The following KLF15 variants were observed in gnomAD, a reference collection of about 807,000 sequenced individuals.
The protein encoded by KLF15 is Krueppel-like factor 15.
A neutral mutation model predicts 24.6 loss-of-function variants in KLF15; 4 were observed. The ratio of observed to expected loss-of-function variants is 0.16; its 90% CI spans 0.08 to 0.37. The LOEUF (loss-of-function observed/expected upper bound fraction) is 0.37. KLF15 is among the 10% of genes least tolerant of loss of function. The probability of loss-of-function intolerance (pLI) is 1.00; values close to 1 mark genes in which losing one functional copy is unlikely to be tolerated. For missense variants in KLF15, 496 were observed against 560.6 expected, an observed-to-expected ratio of 0.88 and a Z score of 1.16; for synonymous variants, 246 against 236.3, an observed-to-expected ratio of 1.04 and a Z score of -0.37.
the KLF15 span, among the ~76,000 whole-genome samples, chr3:126,303,888 C>G: frequency 4.6e-5 from 7 of 152,070 alleles, no homozygotes; most frequent in South Asian, 1.2e-3. Flanking sequence ...ATCTCTTTTT[C>G]TGCAACGTGT....
At chr3:126,342,476 T>C (rs537119642), downstream of KLF15, among the ~76,000 whole-genome samples, 17 of 152,216 alleles carry the variant, frequency 1.1e-4, no homozygotes, top group African/African-American at 4.1e-4. Context: ...ATGGGAACCC[T>C]ACCCTGCTGG....
At chr3:126,291,691 C>T in the KLF15 span, among the ~76,000 whole-genome samples, 1 of 152,260 alleles carries the variant, frequency 6.6e-6, no homozygotes, top group Non-Finnish European at 1.5e-5. Flanking sequence ...TGTCCCTGGG[C>T]CGGTTGCATC....
rs559600749 is a variant in KLF15, at chr3:126,343,466, G to A, written c.*261C>T. 6.8e-6 allele frequency: 3 copies of A among 440,396 alleles called. No homozygotes were observed. The highest frequency in any genetic ancestry group is 6.3e-5 in the African/African-American group (3 of 47,612). 27.3% of individuals were successfully genotyped at this position (440,396 alleles called of 1,614,324 possible). ...GCAGAGGCCTGGCCACCGCGGGAAG[G>A]CACGAAGGCACGAAGGCACGAAGGC... is the stretch of plus-strand genomic sequence containing the variant. On this transcript the variant is annotated 3_prime_UTR_variant, in exon 3 of 3. Coordinates refer to ENST00000296233, the MANE Select transcript of KLF15 (RefSeq NM_014079.4).
chr3:126,302,873 A>G, the KLF15 span, among the ~76,000 whole-genome samples: 2 of 151,974 alleles, frequency 1.3e-5, no homozygotes, highest in Admixed American at 1.3e-4. Flanking sequence ...TTTTATCTGG[A>G]GTGTCATGAC....
chr3:126,301,610 C>CT, the KLF15 span, among the ~76,000 whole-genome samples: 17,484 of 132,182 alleles, frequency 0.13, 1,369 homozygotes, highest in Admixed American at 0.18. Context: ...TTTTCTTTTT[C>CT]TTTTTTTTTT....
chr3:126,307,447 T>C, the KLF15 span, among the ~76,000 whole-genome samples: 1 of 152,164 alleles, frequency 6.6e-6, no homozygotes, highest in Admixed American at 6.5e-5. Context: ...CTTGTGTCCA[T>C]GAACAAAGGA....
chr3:126,295,189 C>T, the KLF15 span, among the ~76,000 whole-genome samples: 84 of 152,244 alleles, frequency 5.5e-4, no homozygotes, highest in Admixed American at 1.5e-3. Context: ...AATATATATT[C>T]CAATAACAGC....
chr3:126,313,226 G>A, the KLF15 span, among the ~76,000 whole-genome samples: 2 of 152,292 alleles, frequency 1.3e-5, no homozygotes, highest in East Asian at 1.9e-4. Context: ...GCGAAAAGGC[G>A]GCCAGCTGCA....
At position 126,352,230 on chromosome 3, in the gene KLF15, T is replaced by C; in HGVS notation, c.693A>G (p.Glu231=). Residue 231 remains glutamate (E), a synonymous_variant, in exon 2 of 3, where the codon GAA becomes GAG. Transcript: ENST00000296233. The part of the protein sequence containing the change: ...LQIQPVPVKQ[E]SGTGPASPGQ... Reference sequence around the variant, plus strand: ...CAGGGGAGGCAGGCCCTGTGCCCGATTCCTGCTTCACAGGCACGGGCTGGA... The same window carrying C: ...CAGGGGAGGCAGGCCCTGTGCCCGACTCCTGCTTCACAGGCACGGGCTGGA... The C allele has an allele frequency of 7.2e-6, 11 of 1,537,418 alleles. No individual in the cohort carries two copies. The highest frequency in any genetic ancestry group is 9.6e-6 in the Non-Finnish European group (11 of 1,144,866).
the KLF15 span, among the ~76,000 whole-genome samples, chr3:126,323,980 T>G: frequency 6.7e-6 from 1 of 148,774 alleles, no homozygotes; most frequent in Middle Eastern, 3.4e-3. Context: ...TGATGGGCAT[T>G]TGGGTTGGCT....
At chr3:126,305,837 AAAG>A in the KLF15 span, among the ~76,000 whole-genome samples, 12 of 152,240 alleles carry the variant, frequency 7.9e-5, no homozygotes, top group African/African-American at 2.9e-4. Context: ...TCTGGAAGGG[AAAG>A]AAGAAGGAAG....
Position 126,343,665 on chromosome 3 carries a change from T to A in KLF15, c.*62A>T. 6.6e-7 allele frequency: 1 copy of A among 1,512,018 alleles called. No homozygotes were observed. Among genetic ancestry groups the A allele is most frequent in the Non-Finnish European group, 9.0e-7 (1 of 1,114,664 alleles). The allele number at this position is 1,512,018 out of a possible 1,614,324, so 93.7% of individuals were successfully genotyped here. Reference sequence around the variant, plus strand: ...CTGGAGGAGGCAAATAAATTATTGCTTAAAAAAATGGGGATGGGGTGGGGA... The same window carrying A: ...CTGGAGGAGGCAAATAAATTATTGCATAAAAAAATGGGGATGGGGTGGGGA... On this transcript the variant is annotated 3_prime_UTR_variant, in exon 3 of 3. Coordinates refer to ENST00000296233, the MANE Select transcript of KLF15 (RefSeq NM_014079.4).
At chr3:126,303,416 A>G in the KLF15 span, among the ~76,000 whole-genome samples, 2 of 151,996 alleles carry the variant, frequency 1.3e-5, no homozygotes, top group Admixed American at 1.3e-4. Flanking sequence ...TAGGTTAACA[A>G]TCCTCCCCCA....
chr3:126,292,605 T>C, the KLF15 span, among the ~76,000 whole-genome samples: 1 of 152,110 alleles, frequency 6.6e-6, no homozygotes, highest in East Asian at 1.9e-4. Context: ...CGAGGATCAG[T>C]GAAGAGCATT....
At chr3:126,349,306 A>G (rs902282639) in intron 2 of KLF15, among the ~76,000 whole-genome samples, 2 of 152,098 alleles carry the variant, frequency 1.3e-5, no homozygotes, top group Non-Finnish European at 2.9e-5. Context: ...ACCTTGGGGG[A>G]AGCTGGAGGA....
the KLF15 span, among the ~76,000 whole-genome samples, chr3:126,314,463 C>T: frequency 6.6e-6 from 1 of 152,206 alleles, no homozygotes; most frequent in Admixed American, 6.5e-5. Context: ...ACAGAGCAAC[C>T]TCCCTATGGC....
the KLF15 span, among the ~76,000 whole-genome samples, chr3:126,312,913 TCTC>T: frequency 5.3e-5 from 8 of 152,122 alleles, 1 homozygote; most frequent in Admixed American, 5.2e-4. Context: ...CACGTGGCAT[TCTC>T]CTTGTGCATG....
intron 2 of KLF15, among the ~76,000 whole-genome samples, chr3:126,348,599 A>C (rs1455070325): frequency 1.3e-5 from 2 of 152,204 alleles, no homozygotes; most frequent in Non-Finnish European, 2.9e-5. Flanking sequence ...ATTGGTGCCT[A>C]CACTTTACCA....
chr3:126,350,725 A>G (rs1487356382), intron 2 of KLF15, among the ~76,000 whole-genome samples: 2 of 152,256 alleles, frequency 1.3e-5, no homozygotes, highest in Admixed American at 6.5e-5. Context: ...GTGCAAACAC[A>G]TATGGTCACA....
Sources: allele counts gnomAD v4.1 joint callset (sites outside exome capture counted in the v4.1 genomes callset), GRCh38; gene constraint gnomAD v4.1.1; transcripts MANE v1.5; gene names NCBI Gene and HGNC (gene_info 2026-07-23, HGNC 2026-07-21).